Variants in PIBF1 observed in about 807,000 individuals in gnomAD.
PIBF1 encodes the protein progesterone-induced-blocking factor 1.
In PIBF1, 90 loss-of-function variants were observed where a neutral mutation model predicts 112.5. That is an observed-to-expected ratio of 0.80 (90% CI 0.67 to 0.95). The LOEUF is 0.95. PIBF1 is among the 40% of genes least tolerant of loss of function. PIBF1 has a pLI of 0.00. For synonymous variants in PIBF1, 301 were observed against 288.6 expected (o/e 1.04, Z -0.44); for missense variants, 915 against 852.3 (o/e 1.07, Z -0.92).
At chr13:72,926,094 T>C (rs2041475127) in intron 13 of PIBF1, among the ~76,000 whole-genome samples, 1 of 152,206 alleles carries the variant, frequency 6.6e-6, no homozygotes, top group Non-Finnish European at 1.5e-5. Flanking sequence ...TAATTAATTT[T>C]TTGGTATCAT....
chr13:72,928,038 T>TAC lies in PIBF1; in HGVS notation c.1731-3126_1731-3125insCA, dbSNP rs1491075889. On this transcript the variant is annotated intron_variant, in intron 13 of 17. Coordinates refer to ENST00000326291, the MANE Select transcript of PIBF1 (RefSeq NM_006346.4). ...ATACATATATATACATATATATATA[T>TAC]ATATATACATATATATATGAGGAAA... Among the ~76,000 whole-genome samples the TAC allele has an allele frequency of 4.1e-3, 401 of 98,260 alleles. 6 individuals carry two copies. The highest frequency in any genetic ancestry group is 0.017 in the African/African-American group (362 of 21,872). 64.5% of individuals were successfully genotyped at this position (98,260 alleles called of 152,430 possible).
chr13:72,826,612 C>G (rs1178317128), intron 6 of PIBF1, among the ~76,000 whole-genome samples: 1 of 150,992 alleles, frequency 6.6e-6, no homozygotes, highest in Non-Finnish European at 1.5e-5. Flanking sequence ...ACTATGCAAT[C>G]TAAATGATAA....
At chr13:72,928,580 C>T (rs1183206988) in intron 13 of PIBF1, among the ~76,000 whole-genome samples, 1 of 152,142 alleles carries the variant, frequency 6.6e-6, no homozygotes, top group African/African-American at 2.4e-5. Flanking sequence ...GCTGGGATTA[C>T]AGGCGCCTGC....
At chr13:73,003,096 G>A (rs893058920) in intron 17 of PIBF1, among the ~76,000 whole-genome samples, 4 of 148,926 alleles carry the variant, frequency 2.7e-5, no homozygotes, top group Admixed American at 1.3e-4. Flanking sequence ...GTGAGTTTAC[G>A]ACGTAGTTCA....
At chr13:72,892,105 T>G (rs1313471478) in intron 10 of PIBF1, among the ~76,000 whole-genome samples, 2 of 152,118 alleles carry the variant, frequency 1.3e-5, no homozygotes. Context: ...GATAATGATG[T>G]GCAAATTTGT....
chr13:72,949,233 G>T (rs1163461824), intron 14 of PIBF1, among the ~76,000 whole-genome samples: 1 of 150,632 alleles, frequency 6.6e-6, no homozygotes, highest in Admixed American at 6.6e-5. Flanking sequence ...GAAGATTGGG[G>T]CTGATTTGTA....
intron 16 of PIBF1, among the ~76,000 whole-genome samples, chr13:72,985,946 T>C (rs1253056732): frequency 6.6e-6 from 1 of 151,672 alleles, no homozygotes; most frequent in African/African-American, 2.4e-5. Flanking sequence ...AGCCCAGGAG[T>C]TGTGTACTAG....
At chr13:72,896,466 T>C (rs746958493) in intron 11 of PIBF1, among the ~76,000 whole-genome samples, 2 of 152,028 alleles carry the variant, frequency 1.3e-5, no homozygotes, top group South Asian at 4.2e-4. Flanking sequence ...CTAATTTACC[T>C]GAAAAAGAAT....
chr13:72,815,496 TTAAG>T (rs2036224871), intron 5 of PIBF1, among the ~76,000 whole-genome samples: 1 of 152,216 alleles, frequency 6.6e-6, no homozygotes, highest in Admixed American at 6.5e-5. Context: ...GCATCGTACC[TTAAG>T]TAAGACAAGC....
At chr13:72,822,956 A>T (rs1480764830) in intron 6 of PIBF1, among the ~76,000 whole-genome samples, 1 of 152,226 alleles carries the variant, frequency 6.6e-6, no homozygotes, top group East Asian at 1.9e-4. Context: ...AGTAGAGGGC[A>T]TAGTGGCACA....
At chr13:72,817,043 G>A (rs2036306423) in intron 5 of PIBF1, among the ~76,000 whole-genome samples, 1 of 152,134 alleles carries the variant, frequency 6.6e-6, no homozygotes, top group African/African-American at 2.4e-5. Context: ...TCTGACAAGT[G>A]AATTCTTAGT....
At chr13:72,869,606 T>TA (rs2039073692) in intron 10 of PIBF1, among the ~76,000 whole-genome samples, 1 of 147,560 alleles carries the variant, frequency 6.8e-6, no homozygotes, top group African/African-American at 2.5e-5. Flanking sequence ...CCCTAAAACT[T>TA]AAAGTATAAT....
rs865974227 is a variant in PIBF1 at position 73,008,341 on chromosome 13, T to C, written c.2224-7528T>C. On this transcript the variant is annotated intron_variant, in intron 17 of 17. Coordinates refer to ENST00000326291, the MANE Select transcript of PIBF1 (RefSeq NM_006346.4). ...AATCACAAGTACTACCCCTGATGCT[T>C]GTAAAGGGTGATGTTGCCTGATTAG... 2.6e-5 allele frequency among the ~76,000 whole-genome samples: 4 copies of C among 152,186 alleles called. No homozygotes were observed. The South Asian group carries it at 8.3e-4, about 31-fold the overall frequency.
chr13:72,857,682 T>C (rs553534507), intron 10 of PIBF1, among the ~76,000 whole-genome samples: 1 of 152,092 alleles, frequency 6.6e-6, no homozygotes. Flanking sequence ...CTACTAAAAA[T>C]GCAAAATATT....
At chr13:72,952,035 C>CTTTTTTTTTTTTTTTTTTTTTTTTTTT (rs67211238) in intron 14 of PIBF1, among the ~76,000 whole-genome samples, 3 of 123,002 alleles carry the variant, frequency 2.4e-5, no homozygotes, top group Non-Finnish European at 5.1e-5. Flanking sequence ...TTTCTTTTCT[C>CTTTTTTTTTTTTTTTTTTTTTTTTTTT]TTTTTTTTTT....
intron 8 of PIBF1, among the ~76,000 whole-genome samples, chr13:72,829,941 C>G (rs1053125373): frequency 6.6e-6 from 1 of 152,048 alleles, no homozygotes; most frequent in Non-Finnish European, 1.5e-5. Flanking sequence ...TGTTTATGTC[C>G]TCGCTTATTT....
At chr13:72,971,091 T>G (rs903979157) in intron 15 of PIBF1, among the ~76,000 whole-genome samples, 1 of 152,086 alleles carries the variant, frequency 6.6e-6, no homozygotes, top group African/African-American at 2.4e-5. Flanking sequence ...TGTGAAGAAT[T>G]ATCCAGTCAA....
chr13:72,799,188 A>G (rs962447422), intron 5 of PIBF1, among the ~76,000 whole-genome samples: 1 of 152,232 alleles, frequency 6.6e-6, no homozygotes, highest in Non-Finnish European at 1.5e-5. Context: ...ATTTAATTGC[A>G]TTGCCTATAT....
chr13:72,967,701 G>A (rs536753769), intron 15 of PIBF1, among the ~76,000 whole-genome samples: 1 of 151,870 alleles, frequency 6.6e-6, no homozygotes, highest in Non-Finnish European at 1.5e-5. Context: ...GTTGAAGCGG[G>A]GTGATAGATA....
Sources: allele counts gnomAD v4.1 joint callset (sites outside exome capture counted in the v4.1 genomes callset), GRCh38; gene constraint gnomAD v4.1.1; transcripts MANE v1.5; gene names NCBI Gene and HGNC (gene_info 2026-07-23, HGNC 2026-07-21).